CNTNAP2: variants seen among roughly 807,000 people sequenced by gnomAD.
CNTNAP2 encodes contactin associated protein 2.
In CNTNAP2, 98 loss-of-function variants were observed where a neutral mutation model predicts 155.2. The ratio of observed to expected loss-of-function variants is 0.63; its 90% CI spans 0.54 to 0.75. The LOEUF (loss-of-function observed/expected upper bound fraction) is 0.75, where lower values mean the gene tolerates loss of function less well. Among genes scored for constraint, CNTNAP2 ranks in the 30% least tolerant of loss-of-function variants. The pLI, the probability that CNTNAP2 is intolerant of heterozygous loss-of-function variation, is 0.00. For synonymous variants in CNTNAP2, 651 were observed against 631.2 expected (o/e 1.03, Z -0.47); for missense variants, 1,727 against 1,688.1 (o/e 1.02, Z -0.40).
Position 147,838,498 on chromosome 7 carries a change from C to A in CNTNAP2, c.2099-65067C>A, listed in dbSNP as rs192114174. The stretch of plus-strand genomic sequence containing the variant: ...ATGCCTTTAAGAGCACCCAAGTCAC[C>A]TCTTCAATGTTTTTCTGCTTAGATA... On this transcript the variant is annotated intron_variant, in intron 13 of 23. Coordinates refer to ENST00000361727, the MANE Select transcript of CNTNAP2 (RefSeq NM_014141.6). Among the ~76,000 whole-genome samples, 8 of 152,244 alleles carry A rather than the reference C, an allele frequency of 5.3e-5. No homozygotes were observed. In the East Asian group the frequency reaches 1.5e-3, roughly 29 times the overall value.
At chr7:148,137,295 C>T (rs1338275003) in intron 16 of CNTNAP2, among the ~76,000 whole-genome samples, 3 of 152,202 alleles carry the variant, frequency 2.0e-5, no homozygotes, top group Non-Finnish European at 4.4e-5. Flanking sequence ...GGTTATGCAT[C>T]TCTTGTGACG....
intron 12 of CNTNAP2, among the ~76,000 whole-genome samples, chr7:147,609,984 G>A (rs769325842): frequency 9.9e-5 from 15 of 152,148 alleles, no homozygotes; most frequent in Non-Finnish European, 7.3e-5. Flanking sequence ...TGTTGTCGTG[G>A]TGGTGGTACT....
chr7:147,246,782 G>A (rs532243664), intron 8 of CNTNAP2, among the ~76,000 whole-genome samples: 3 of 152,266 alleles, frequency 2.0e-5, no homozygotes, highest in African/African-American at 4.8e-5. Context: ...CCAGAGTGAT[G>A]TCTGACCACC....
intron 4 of CNTNAP2, among the ~76,000 whole-genome samples, chr7:147,048,846 T>C (rs1799417699): frequency 6.6e-6 from 1 of 152,240 alleles, no homozygotes; most frequent in Non-Finnish European, 1.5e-5. Context: ...AGTTATGTTT[T>C]AAGTGTCAGT....
chr7:146,292,130 G>C (rs1194121661), intron 1 of CNTNAP2, among the ~76,000 whole-genome samples: 1 of 152,152 alleles, frequency 6.6e-6, no homozygotes, highest in Non-Finnish European at 1.5e-5. Context: ...ATGAAAAAAT[G>C]CTGAGCATCA....
chr7:148,169,209 G>C (rs1805729773), intron 17 of CNTNAP2, among the ~76,000 whole-genome samples: 1 of 152,178 alleles, frequency 6.6e-6, no homozygotes, highest in Admixed American at 6.5e-5. Flanking sequence ...AAATTACTCA[G>C]CTCACAGTAT....
At chr7:148,151,285 T>C (rs1805291009) in intron 17 of CNTNAP2, among the ~76,000 whole-genome samples, 1 of 152,128 alleles carries the variant, frequency 6.6e-6, no homozygotes, top group South Asian at 2.1e-4. Context: ...CCCATAATTA[T>C]TATCATTATT....
chr7:146,549,671 A>G (rs1323237352), intron 1 of CNTNAP2, among the ~76,000 whole-genome samples: 2 of 152,106 alleles, frequency 1.3e-5, no homozygotes, highest in African/African-American at 2.4e-5. Flanking sequence ...ATTCATGTTT[A>G]TGTGACTTTG....
chr7:147,380,619 G>A (rs978522299), intron 9 of CNTNAP2, among the ~76,000 whole-genome samples: 6 of 152,034 alleles, frequency 3.9e-5, no homozygotes, highest in African/African-American at 1.4e-4. Context: ...AAGAGCCCAC[G>A]CTACACAAAG....
At chr7:146,931,245 C>G (rs893198724) in intron 3 of CNTNAP2, among the ~76,000 whole-genome samples, 1 of 152,058 alleles carries the variant, frequency 6.6e-6, no homozygotes, top group East Asian at 1.9e-4. Context: ...TCTCTCAGAC[C>G]ACAGTGCAAT....
chr7:146,663,828 A>G (rs10952651), intron 1 of CNTNAP2, among the ~76,000 whole-genome samples: 90,449 of 151,586 alleles, frequency 0.6, 31,006 homozygotes, highest in South Asian at 0.85. Flanking sequence ...CTCCTTTCCA[A>G]TCTATATGCC....
At chr7:147,312,428 C>G (rs1405103167) in intron 9 of CNTNAP2, among the ~76,000 whole-genome samples, 1 of 137,404 alleles carries the variant, frequency 7.3e-6, no homozygotes, top group African/African-American at 2.8e-5. Flanking sequence ...GACCCCACAA[C>G]AGTCCCCAGA....
At chr7:147,311,592 G>C (rs1490701536) in intron 9 of CNTNAP2, among the ~76,000 whole-genome samples, 1 of 152,016 alleles carries the variant, frequency 6.6e-6, no homozygotes, top group Admixed American at 6.6e-5. Context: ...ATGTCACCAG[G>C]GCCCTTCCTT....
At chr7:148,126,562 G>A (rs898888260) in intron 16 of CNTNAP2, among the ~76,000 whole-genome samples, 2 of 152,192 alleles carry the variant, frequency 1.3e-5, no homozygotes, top group African/African-American at 4.8e-5. Flanking sequence ...AATTGAAATG[G>A]AATTTTGTAG....
intron 14 of CNTNAP2, among the ~76,000 whole-genome samples, chr7:147,957,553 A>C (rs1298369146): frequency 6.6e-6 from 1 of 152,130 alleles, no homozygotes; most frequent in Non-Finnish European, 1.5e-5. Flanking sequence ...CGGATGAAAA[A>C]ACAGTGGGAA....
At chr7:147,672,181 T>C (rs569084347) in intron 13 of CNTNAP2, 3 of 152,314 alleles carry the variant, frequency 2.0e-5, no homozygotes, top group East Asian at 1.9e-4. Flanking sequence ...AGGAAAAAAT[T>C]GTACTTTAGG....
intron 15 of CNTNAP2, among the ~76,000 whole-genome samples, chr7:148,040,908 G>C (rs971896779): frequency 9.9e-5 from 15 of 152,056 alleles, no homozygotes; most frequent in African/African-American, 3.4e-4. Context: ...TTGGGATGCT[G>C]AGGCAGGAGG....
chr7:147,102,972 A>G (rs1430003039), intron 4 of CNTNAP2, among the ~76,000 whole-genome samples: 2 of 152,212 alleles, frequency 1.3e-5, no homozygotes, highest in East Asian at 1.9e-4. Context: ...TCATCTGACT[A>G]TTGAAACCTC....
At chr7:148,375,258 CTATATA>C (rs35795122) in intron 21 of CNTNAP2, among the ~76,000 whole-genome samples, 1 of 147,136 alleles carries the variant, frequency 6.8e-6, no homozygotes, top group Admixed American at 6.8e-5. Flanking sequence ...ATATATAAAA[CTATATA>C]TAGTTACATA....
Sources: allele counts gnomAD v4.1 joint callset (sites outside exome capture counted in the v4.1 genomes callset), GRCh38; gene constraint gnomAD v4.1.1; transcripts MANE v1.5; gene names NCBI Gene and HGNC (gene_info 2026-07-23, HGNC 2026-07-21).